Variants in JAKMIP1 observed in about 807,000 individuals in gnomAD.
JAKMIP1 encodes the protein janus kinase and microtubule interacting protein 1.
In JAKMIP1, 33 loss-of-function variants were observed where a neutral mutation model predicts 113.0. That is an observed-to-expected ratio of 0.29 (90% CI 0.22 to 0.39). The LOEUF (loss-of-function observed/expected upper bound fraction) is 0.39, where lower values mean the gene tolerates loss of function less well. Among genes scored for constraint, JAKMIP1 ranks in the 10% least tolerant of loss-of-function variants. The pLI, the probability that JAKMIP1 is intolerant of heterozygous loss-of-function variation, is 1.00. For missense variants in JAKMIP1, 813 were observed against 1,080.5 expected (o/e 0.75, Z 3.47); for synonymous variants, 480 against 459.9 (o/e 1.04, Z -0.56).
rs1260041762 is a variant in JAKMIP1 at position 6,134,594 on chromosome 4, G to A, written c.-147-21597C>T. Among the ~76,000 whole-genome samples, 9 of 152,296 alleles carry A rather than the reference G, an allele frequency of 5.9e-5. No homozygotes were observed. In the East Asian group the frequency reaches 1.5e-3, roughly 26 times the overall value. ...GTTCCTCAAGCTTCCCTGTCTCACAGCTCTGATCACGCTGTGCTGGTGTTG... is the reference window on the plus strand; with the variant it reads ...GTTCCTCAAGCTTCCCTGTCTCACAACTCTGATCACGCTGTGCTGGTGTTG... On this transcript the variant is annotated intron_variant, in intron 1 of 20. Transcript: ENST00000409021.
chr4:6,117,477 G>A (rs1408341101), intron 1 of JAKMIP1, among the ~76,000 whole-genome samples: 1 of 151,946 alleles, frequency 6.6e-6, no homozygotes, highest in African/African-American at 2.4e-5. Context: ...AATATCACAA[G>A]GCAAGTGGAG....
chr4:6,061,591 T>C lies in JAKMIP1; in HGVS notation c.1560+721A>G, dbSNP rs1452754802. ...CGACTCCCAGCTCTGTTCAGCATCA[T>C]CTGGGTATTTGGGGGCAAGTTGCTC... On this transcript the variant is annotated intron_variant, in intron 10 of 20. Transcript: ENST00000409021. The surrounding 1 kb of genome is among the most constrained non-coding windows in gnomAD (Gnocchi z 5.3). Among the ~76,000 whole-genome samples, 1 of 151,888 alleles carries C rather than the reference T, an allele frequency of 6.6e-6. No homozygotes were observed. The highest frequency in any genetic ancestry group is 2.4e-5 in the African/African-American group (1 of 41,360).
rs2108957117 is a variant in JAKMIP1, at chr4:6,139,602, C to T, written c.-147-26605G>A. Among the ~76,000 whole-genome samples, 1 of 152,018 alleles carries T rather than the reference C, an allele frequency of 6.6e-6. No individual in the cohort carries two copies. The highest frequency in any genetic ancestry group is 2.1e-4 in the South Asian group (1 of 4,798). ...CCAACATAGTGAAACCCCATCTCTA[C>T]TAAAAATACAAAAATTAGCCAGGTG... is the stretch of plus-strand genomic sequence containing the variant. On this transcript the variant is annotated intron_variant, in intron 1 of 20. Transcript: ENST00000409021. The surrounding 1 kb of genome is among the most constrained non-coding windows in gnomAD (Gnocchi z 5.2).
intron 1 of JAKMIP1, among the ~76,000 whole-genome samples, chr4:6,166,792 C>A (rs1723694232): frequency 6.6e-6 from 1 of 152,182 alleles, no homozygotes; most frequent in African/African-American, 2.4e-5. Flanking sequence ...GCCACAGGGC[C>A]TAAAGGCTAA....
At chr4:6,047,737 TC>T (rs1264161926) in intron 16 of JAKMIP1, among the ~76,000 whole-genome samples, 1 of 152,192 alleles carries the variant, frequency 6.6e-6, no homozygotes, top group East Asian at 1.9e-4. Context: ...CTGGAAAGAA[TC>T]CCAACTAAGA....
intron 1 of JAKMIP1, among the ~76,000 whole-genome samples, chr4:6,191,061 C>T (rs1287659697): frequency 2.0e-5 from 3 of 152,296 alleles, no homozygotes; most frequent in East Asian, 1.9e-4. Flanking sequence ...AGAAAATGAA[C>T]GTGAGGTTGG....
chr4:6,159,718 T>C (rs190405616), intron 1 of JAKMIP1, among the ~76,000 whole-genome samples: 1 of 152,346 alleles, frequency 6.6e-6, no homozygotes, highest in East Asian at 1.9e-4. Context: ...CATTCACTCT[T>C]GGGTACAAAC....
rs147546759 is a variant in JAKMIP1 at position 6,177,254 on chromosome 4, A to G, written c.-148+22999T>C. ...CTCCAAAGTTGGAGAGGACTTTAAG[A>G]AAGGCCATCTGATCCGACCTCCCCA... is the stretch of plus-strand genomic sequence containing the variant. On this transcript the variant is annotated intron_variant, in intron 1 of 20. Transcript: ENST00000409021. Among the ~76,000 whole-genome samples the G allele has an allele frequency of 4.4e-3, 663 of 152,252 alleles. 2 individuals carry two copies. Among genetic ancestry groups the G allele is most frequent in the African/African-American group, 0.015 (641 of 41,546 alleles).
chr4:6,178,260 T>C lies in JAKMIP1; in HGVS notation c.-148+21993A>G, dbSNP rs1725607127. ...CGTGGCTACCTTTCAGGTAAGCAGCTTTTCCTTTGTTACCCTACGATATGG... is the reference window on the plus strand; with the variant it reads ...CGTGGCTACCTTTCAGGTAAGCAGCCTTTCCTTTGTTACCCTACGATATGG... On this transcript the variant is annotated intron_variant, in intron 1 of 20. Coordinates refer to ENST00000409021, the MANE Select transcript of JAKMIP1 (RefSeq NM_001099433.2). This position sits in a 1 kb window ranked among gnomAD's most constrained non-coding sequence, Gnocchi z 5.5. Among the ~76,000 whole-genome samples the C allele has an allele frequency of 6.6e-6, 1 of 152,230 alleles. No homozygotes were observed. The highest frequency in any genetic ancestry group is 6.5e-5 in the Admixed American group (1 of 15,292).
intron 1 of JAKMIP1, among the ~76,000 whole-genome samples, chr4:6,144,475 TCACAA>T (rs1228196061): frequency 2.6e-5 from 4 of 152,078 alleles, no homozygotes; most frequent in Non-Finnish European, 5.9e-5. Context: ...ATGCAAAAAT[TCACAA>T]CACAATACTA....
Position 6,116,393 on chromosome 4 carries a change from C to T in JAKMIP1, c.-147-3396G>A, listed in dbSNP as rs1253437324. Among the ~76,000 whole-genome samples, 2 of 151,978 alleles carry T rather than the reference C, an allele frequency of 1.3e-5. No individual in the cohort carries two copies. The highest frequency in any genetic ancestry group is 2.4e-5 in the African/African-American group (1 of 41,370). On this transcript the variant is annotated intron_variant, in intron 1 of 20. Transcript: ENST00000409021. The surrounding 1 kb of genome is among the most constrained non-coding windows in gnomAD (Gnocchi z 5.1). ...AGCAGGAGATGGCACAGCCCACTGTCGAGGAAGGAGCACAGCACTGGCTCA... is the reference window on the plus strand; with the variant it reads ...AGCAGGAGATGGCACAGCCCACTGTTGAGGAAGGAGCACAGCACTGGCTCA...
At chr4:6,151,481 G>C (rs1219935909) in intron 1 of JAKMIP1, among the ~76,000 whole-genome samples, 1 of 152,048 alleles carries the variant, frequency 6.6e-6, no homozygotes, top group Non-Finnish European at 1.5e-5. Context: ...CTGCCCAGAA[G>C]GCCCTCTGCT....
At chr4:6,149,123 A>C (rs1402705294) in intron 1 of JAKMIP1, among the ~76,000 whole-genome samples, 1 of 152,230 alleles carries the variant, frequency 6.6e-6, no homozygotes, top group East Asian at 1.9e-4. Flanking sequence ...GAGAAGGGCC[A>C]CTGGGGCTGG....
Position 6,036,036 on chromosome 4 carries a change from C to T in JAKMIP1, c.2247G>A (p.Ala749=), listed in dbSNP as rs377038287. The T allele has an allele frequency of 1.5e-4, 229 of 1,554,348 alleles. No homozygotes were observed. The highest frequency in any genetic ancestry group is 1.7e-4 in the Non-Finnish European group (196 of 1,148,590). ...GGTCCTCCCGCTGGCCCTCGCTCAG[C>T]GCCTCACCGGCCCTCCGCCCCGGCT... The part of the protein sequence containing the change: ...QQEPGRRAGE[A]LSEGQREDLQ... The change falls in exon 19 of 21, where the codon GCG becomes GCA. Residue 749 remains alanine, a synonymous_variant. Transcript: ENST00000409021.
chr4:6,177,952 C>T (rs1180813215), intron 1 of JAKMIP1, among the ~76,000 whole-genome samples: 1 of 152,236 alleles, frequency 6.6e-6, no homozygotes, highest in Non-Finnish European at 1.5e-5. Context: ...ACCCTAACCA[C>T]TCAATCTCAC....
intron 1 of JAKMIP1, among the ~76,000 whole-genome samples, chr4:6,196,383 A>C (rs9291113): frequency 1.3e-5 from 2 of 152,098 alleles, no homozygotes; most frequent in Non-Finnish European, 2.9e-5. Flanking sequence ...CCCCCTGCAC[A>C]GTCCACCTGG....
At position 6,065,865 on chromosome 4, in the gene JAKMIP1, C is replaced by G. The variant is rs146579573; in HGVS notation, c.1303-857G>C. Among the ~76,000 whole-genome samples, 615 of 152,270 alleles carry G rather than the reference C, an allele frequency of 4.0e-3. 2 individuals carry two copies. The highest frequency in any genetic ancestry group is 0.014 in the African/African-American group (561 of 41,552). On this transcript the variant is annotated intron_variant, in intron 8 of 20. Transcript: ENST00000409021. This position sits in a 1 kb window ranked among gnomAD's most constrained non-coding sequence, Gnocchi z 5.1. ...TCTATGGGCCAGACACGGGGCAGGCCTGGGGAATACAATAGGATCATAACC... is the reference window on the plus strand; with the variant it reads ...TCTATGGGCCAGACACGGGGCAGGCGTGGGGAATACAATAGGATCATAACC...
chr4:6,174,431 G>A (rs1015771486), intron 1 of JAKMIP1, among the ~76,000 whole-genome samples: 1 of 152,224 alleles, frequency 6.6e-6, no homozygotes, highest in Non-Finnish European at 1.5e-5. Context: ...GTGAATCCTT[G>A]GCTGATGCCA....
chr4:6,171,020 A>ATCACCACCATCACCATC (rs1560318151), intron 1 of JAKMIP1, among the ~76,000 whole-genome samples: 3 of 127,762 alleles, frequency 2.3e-5, no homozygotes, highest in Non-Finnish European at 1.7e-5. Context: ...CCATCACCAT[A>ATCACCACCATCACCATC]ATCACCACCA....
Sources: allele counts gnomAD v4.1 joint callset (sites outside exome capture counted in the v4.1 genomes callset), GRCh38; gene constraint gnomAD v4.1.1; non-coding constraint Gnocchi (gnomAD v3.1); transcripts MANE v1.5; gene names NCBI Gene and HGNC (gene_info 2026-07-23, HGNC 2026-07-21).